Variants in RNF169 observed in about 807,000 individuals in gnomAD.
The protein encoded by RNF169 is ring finger protein 169.
In RNF169, 24 loss-of-function variants were observed where a neutral mutation model predicts 53.9. That is an observed-to-expected ratio of 0.45 (90% CI 0.32 to 0.63). The LOEUF (loss-of-function observed/expected upper bound fraction) is 0.63, where lower values mean the gene tolerates loss of function less well. Among genes scored for constraint, RNF169 ranks in the 20% least tolerant of loss-of-function variants. RNF169 has a pLI of 0.04. For synonymous variants in RNF169, 396 were observed against 363.5 expected (o/e 1.09, Z -1.02); for missense variants, 883 against 906.2 (o/e 0.97, Z 0.33).
chr11:74,758,602 C>T (rs1249677960), intron 1 of RNF169, among the ~76,000 whole-genome samples: 4 of 151,656 alleles, frequency 2.6e-5, no homozygotes, highest in East Asian at 1.9e-4. Context: ...CCCGGTTTCA[C>T]GCCATTCTCC....
intron 1 of RNF169, among the ~76,000 whole-genome samples, chr11:74,785,252 T>G (rs1291783860): frequency 2.5e-5 from 2 of 79,710 alleles, no homozygotes; most frequent in African/African-American, 1.3e-4. Flanking sequence ...TTATATATGT[T>G]AGATATATAT....
chr11:74,801,710 G>C (rs1009097170), intron 2 of RNF169, among the ~76,000 whole-genome samples: 1 of 152,234 alleles, frequency 6.6e-6, no homozygotes, highest in Non-Finnish European at 1.5e-5. Context: ...TACTCGGGAG[G>C]CTGATGTGGG....
intron 2 of RNF169, among the ~76,000 whole-genome samples, chr11:74,801,977 T>G (rs2035737796): frequency 6.6e-6 from 1 of 152,208 alleles, no homozygotes; most frequent in African/African-American, 2.4e-5. Context: ...ATTTACTGTT[T>G]CAGGTGCATC....
intron 1 of RNF169, among the ~76,000 whole-genome samples, chr11:74,777,868 C>T (rs556768023): frequency 6.6e-6 from 1 of 152,262 alleles, no homozygotes; most frequent in Non-Finnish European, 1.5e-5. Flanking sequence ...TCTAAGAGAT[C>T]CTCCTGCCTT....
At chr11:74,783,715 G>A (rs2035449707) in intron 1 of RNF169, among the ~76,000 whole-genome samples, 3 of 152,092 alleles carry the variant, frequency 2.0e-5, no homozygotes, top group Admixed American at 2.0e-4. Context: ...GCTTTGTGGT[G>A]GGGTAGTATT....
chr11:74,779,420 A>G (rs2035384571), intron 1 of RNF169, among the ~76,000 whole-genome samples: 1 of 152,086 alleles, frequency 6.6e-6, no homozygotes, highest in Non-Finnish European at 1.5e-5. Context: ...CTTTCTGTGT[A>G]TTTCCTCTTG....
In RNF169 at chr11:74,749,402, C is replaced by T. The variant is rs536846659; in HGVS notation, c.502+20C>T. On this transcript the variant is annotated intron_variant, in intron 1 of 5. Transcript: ENST00000299563. ...AGCCAGGTGGAGCTTCCCCACTTCC[C>T]CTTAGGGTCTGGAGCGAGGCCGAGC... 9 of 1,245,096 alleles carry T rather than the reference C, an allele frequency of 7.2e-6. No homozygotes were observed. In the Admixed American group the frequency reaches 1.7e-4, roughly 23 times the overall value. The allele number at this position is 1,245,096 out of a possible 1,614,324, so 77.1% of individuals were successfully genotyped here. A position where few individuals can be genotyped will look rare whatever the true frequency, so the allele number is the denominator to read the frequency against.
Position 74,836,386 on chromosome 11 carries a change from A to G in RNF169, c.1783A>G (p.Thr595Ala). Residue 595 changes from threonine to alanine, a missense_variant, in exon 6 of 6, where the codon ACA becomes GCA. Thr to Ala is a moderately conservative substitution (Grantham distance 58). Around this residue, in one of 3 missense-constraint regions of RNF169, gnomAD observed 351 missense variants for 337.3 expected, o/e 1.04. Coordinates refer to ENST00000299563, the MANE Select transcript of RNF169 (RefSeq NM_001098638.2). ...CCTCAAAACAAAGCAACAATTGAAG[A>G]CATTAAATCATTTTGATCTGACTAA... Reference protein sequence around the residue: ...GVLKTKQQLKTLNHFDLTNGV... With the variant: ...GVLKTKQQLKALNHFDLTNGV... 6.2e-7 allele frequency: 1 copy of G among 1,614,192 alleles called. No individual in the cohort carries two copies. Among genetic ancestry groups the G allele is most frequent in the Non-Finnish European group, 8.5e-7 (1 of 1,179,992 alleles).
At chr11:74,817,446 A>G in intron 3 of RNF169, 150 bp from the exon 4 acceptor site, 1 of 628,354 alleles carries the variant, frequency 1.6e-6, no homozygotes, top group Middle Eastern at 3.0e-4. Flanking sequence ...TTTGAACCAC[A>G]TTTGAGATTG....
At chr11:74,801,463 C>G (rs2035728098) in intron 2 of RNF169, among the ~76,000 whole-genome samples, 1 of 152,198 alleles carries the variant, frequency 6.6e-6, no homozygotes, top group African/African-American at 2.4e-5. Flanking sequence ...CTGAAATGTT[C>G]TGACACCAGT....
intron 1 of RNF169, among the ~76,000 whole-genome samples, chr11:74,777,359 A>G (rs545304): frequency 6.6e-6 from 1 of 152,120 alleles, no homozygotes; most frequent in Middle Eastern, 3.4e-3. Flanking sequence ...ATTTTGTATC[A>G]TGGTGGTGGT....
Position 74,836,608 on chromosome 11 carries a change from G to A in RNF169, c.2005G>A (p.Asp669Asn). Residue 669 changes from aspartate to asparagine, a missense_variant, in exon 6 of 6, where the codon GAC (aspartate) becomes AAC (asparagine). By Grantham distance (23) the Asp-to-Asn change is conservative. Transcript: ENST00000299563. The stretch of plus-strand genomic sequence containing the variant: ...GCAGAAGCTTCAGCAAGAGGAAGAA[G>A]ACCGACAGTTGGCTCTGCAGTTGCA... Reference protein sequence around the residue: ...MEQKLQQEEEDRQLALQLQRM... With the variant: ...MEQKLQQEEENRQLALQLQRM... 1 of 1,614,116 alleles carries A rather than the reference G, an allele frequency of 6.2e-7. No homozygotes were observed. Among genetic ancestry groups the A allele is most frequent in the Non-Finnish European group, 8.5e-7 (1 of 1,180,048 alleles).
At position 74,802,568 on chromosome 11, in the gene RNF169, G is replaced by A. The variant is rs912903725; in HGVS notation, c.577-7616G>A. On this transcript the variant is annotated intron_variant, in intron 2 of 5. Transcript: ENST00000299563. ...TGAGGCACAAGACTGGCTTGAACCC[G>A]AGAGGTGGAGGTTGCAGTGAGCCAA... 2.5e-4 allele frequency among the ~76,000 whole-genome samples: 38 copies of A among 152,242 alleles called. 1 individual carries two copies. The highest frequency in any genetic ancestry group is 2.0e-3 in the Admixed American group (31 of 15,292).
chr11:74,835,505 G>A (rs1476588426), intron 5 of RNF169, 41 bp from the exon 6 acceptor site: 3 of 1,435,634 alleles, frequency 2.1e-6, no homozygotes, highest in Admixed American at 1.7e-5. Flanking sequence ...AAATGTATAT[G>A]TATGTGTGTA....
At chr11:74,820,653 A>G (rs907122414) in intron 4 of RNF169, among the ~76,000 whole-genome samples, 3 of 152,154 alleles carry the variant, frequency 2.0e-5, no homozygotes, top group African/African-American at 7.2e-5. Flanking sequence ...GAACAAGTCA[A>G]GTGTTTACCA....
At position 74,817,625 on chromosome 11, in the gene RNF169, T is replaced by C. The variant is rs375459910; in HGVS notation, c.753T>C (p.Asn251=). ...CTGCACGTCTCTCAGATTCAGAGAATGAAGAACCTTCTCGAGGCCAGATGA... is the reference window on the plus strand; with the variant it reads ...CTGCACGTCTCTCAGATTCAGAGAACGAAGAACCTTCTCGAGGCCAGATGA... ...RCPARLSDSE[N]EEPSRGQMTQ... The change falls in exon 4 of 6, where the codon AAT becomes AAC. Residue 251 remains asparagine, a synonymous_variant. Coordinates refer to ENST00000299563, the MANE Select transcript of RNF169 (RefSeq NM_001098638.2). 25 of 1,613,560 alleles carry C rather than the reference T, an allele frequency of 1.5e-5. No homozygotes were observed. The highest frequency in any genetic ancestry group is 1.9e-5 in the Non-Finnish European group (23 of 1,179,566).
At chr11:74,808,845 G>A (rs1023387281) in intron 2 of RNF169, among the ~76,000 whole-genome samples, 2 of 152,286 alleles carry the variant, frequency 1.3e-5, no homozygotes, top group Non-Finnish European at 2.9e-5. Flanking sequence ...GTAGACTATA[G>A]TTTTGTTTTC....
At chr11:74,751,926 A>G (rs1052236067) in intron 1 of RNF169, among the ~76,000 whole-genome samples, 2 of 152,158 alleles carry the variant, frequency 1.3e-5, no homozygotes, top group African/African-American at 4.8e-5. Context: ...AAATGTAACA[A>G]AGTATACAAT....
rs1236199257 is a variant in RNF169, at chr11:74,837,012, G to A, written c.*282G>A. ...TTGGAACGGCCTCAGGAGCATAATG[G>A]CCACAGTTAGTAATGGTAAAGAGGG... is the stretch of plus-strand genomic sequence containing the variant. On this transcript the variant is annotated 3_prime_UTR_variant, in exon 6 of 6. Transcript: ENST00000299563. 1 of 304,926 alleles carries A rather than the reference G, an allele frequency of 3.3e-6. No homozygotes were observed. Among genetic ancestry groups the A allele is most frequent in the Non-Finnish European group, 6.1e-6 (1 of 163,742 alleles). The allele number at this position is 304,926 out of a possible 1,614,324, so 18.9% of individuals were successfully genotyped here.
Sources: gnomAD v4.1 joint callset for allele counts (sites outside exome capture counted in the v4.1 genomes callset) on GRCh38, gnomAD v4.1.1 for gene constraint, gnomAD v4.1.1 regional missense constraint, MANE v1.5 for transcripts, NCBI Gene and HGNC (gene_info 2026-07-23, HGNC 2026-07-21) for gene names.